Variants in LRRK1 observed in about 807,000 individuals in gnomAD.
The protein encoded by LRRK1 is leucine-rich repeat serine/threonine-protein kinase 1.
Under a neutral mutation model 209.1 loss-of-function variants are expected in LRRK1, and 113 were observed. The observed-to-expected ratio is 0.54, with a 90% confidence interval of 0.46 to 0.63. The LOEUF is 0.63. Ranked by LOEUF, LRRK1 falls within the 30% of genes least tolerant of loss-of-function variation. The pLI, the probability that LRRK1 is intolerant of heterozygous loss-of-function variation, is 0.00. For synonymous variants in LRRK1, 1,144 were observed against 1,099.7 expected (o/e 1.04, Z -0.80); for missense variants, 2,284 against 2,632.2 (o/e 0.87, Z 2.89).
In LRRK1 at chr15:101,029,276, C is replaced by T. The variant is rs60368730; in HGVS notation, c.2963+44C>T. The T allele has an allele frequency of 4.7e-4, 733 of 1,554,466 alleles. 2 individuals are homozygous for T. In the African/African-American group the frequency reaches 8.8e-3, roughly 19 times the overall value. On this transcript the variant is annotated intron_variant, in intron 20 of 33. Transcript: ENST00000388948. ...ACGCCAGGCTGTGCAGGTTGCTCCC[C>T]GAAAGAGGGAGTTGGGGTCTGGAGC... is the stretch of plus-strand genomic sequence containing the variant.
At chr15:101,066,325 T>G in intron 32 of LRRK1, 120 bp downstream of exon 32, 2 of 1,354,988 alleles carry the variant, frequency 1.5e-6, no homozygotes, top group Non-Finnish European at 1.0e-6. Context: ...GGTGCTGTTC[T>G]TCCAAGAGGG....
intron 3 of LRRK1, among the ~76,000 whole-genome samples, chr15:100,977,615 G>C (rs569235282): frequency 2.9e-4 from 44 of 152,250 alleles, no homozygotes; most frequent in African/African-American, 1.0e-3. Context: ...AAGTCCCAAC[G>C]CTGCCCAGCA....
At position 101,058,153 on chromosome 15, in the gene LRRK1, C is replaced by T. The variant is rs184996256; in HGVS notation, c.4679+12C>T. On this transcript the variant is annotated intron_variant, in intron 29 of 33. Coordinates refer to ENST00000388948, the MANE Select transcript of LRRK1 (RefSeq NM_024652.6). The stretch of plus-strand genomic sequence containing the variant: ...AAAGAGGAGTCCAGGTAAGCTCCTG[C>T]GGGCTGCCCTGCCCCCTTTGTATTT... 51 of 1,613,328 alleles carry T rather than the reference C, an allele frequency of 3.2e-5. No individual in the cohort carries two copies. In the East Asian group the frequency reaches 5.8e-4, roughly 18 times the overall value.
At chr15:100,981,444 A>G (rs996212006) in intron 3 of LRRK1, among the ~76,000 whole-genome samples, 8 of 152,136 alleles carry the variant, frequency 5.3e-5, no homozygotes, top group Admixed American at 5.2e-4. Context: ...TATTGAATGT[A>G]TGAGTCTACC....
chr15:101,029,349 GCC>G, intron 20 of LRRK1, 117 bp downstream of exon 20: 1 of 1,073,098 alleles, frequency 9.3e-7, no homozygotes, highest in Non-Finnish European at 1.3e-6. Flanking sequence ...TGCCACTGCT[GCC>G]CCCTACGGAC....
rs994873141 is a variant in LRRK1, at chr15:100,926,370, C to T, written c.97+1641C>T. Among the ~76,000 whole-genome samples the T allele has an allele frequency of 3.3e-5, 5 of 152,192 alleles. No homozygotes were observed. The East Asian group carries it at 9.7e-4, about 29-fold the overall frequency. On this transcript the variant is annotated intron_variant, in intron 2 of 33. Transcript: ENST00000388948. ...CCTCCTGCTGCTCCTCTTCGCAGCC[C>T]TGAGGGACGAGGGTGGGGACAGGGA...
intron 6 of LRRK1, among the ~76,000 whole-genome samples, chr15:100,995,906 A>T (rs1251366057): frequency 6.6e-6 from 1 of 152,258 alleles, no homozygotes; most frequent in Non-Finnish European, 1.5e-5. Context: ...GACATCTATT[A>T]TTACTGTTTG....
intron 31 of LRRK1, among the ~76,000 whole-genome samples, chr15:101,064,103 C>T (rs771759356): frequency 3.3e-5 from 5 of 152,276 alleles, no homozygotes; most frequent in South Asian, 2.1e-4. Flanking sequence ...CACACCCAGC[C>T]GGGACGTGGC....
At chr15:100,927,564 G>A (rs961393011) in intron 2 of LRRK1, among the ~76,000 whole-genome samples, 2 of 152,206 alleles carry the variant, frequency 1.3e-5, no homozygotes, top group Non-Finnish European at 2.9e-5. Flanking sequence ...GGACAGGGAA[G>A]TGACACCCTG....
chr15:100,962,817 ATATATATTTT>A (rs1490996214), intron 2 of LRRK1, among the ~76,000 whole-genome samples: 48 of 21,200 alleles, frequency 2.3e-3, no homozygotes, highest in African/African-American at 6.6e-3. Context: ...ATATATATAT[ATATATATTTT>A]TTTTTTTTTT....
chr15:101,007,158 A>G (rs1197754480), intron 6 of LRRK1, among the ~76,000 whole-genome samples: 1 of 152,220 alleles, frequency 6.6e-6, no homozygotes, highest in Admixed American at 6.5e-5. Context: ...TGGTGGCCAA[A>G]TAGGGATGCC....
intron 2 of LRRK1, among the ~76,000 whole-genome samples, chr15:100,930,540 C>T (rs780230250): frequency 6.6e-6 from 1 of 152,238 alleles, no homozygotes; most frequent in Non-Finnish European, 1.5e-5. Context: ...CCCCACCCCA[C>T]ACTTGCTCCT....
intron 2 of LRRK1, among the ~76,000 whole-genome samples, chr15:100,954,565 T>C (rs1854577501): frequency 6.6e-6 from 1 of 152,194 alleles, no homozygotes; most frequent in Non-Finnish European, 1.5e-5. Context: ...GGAAAGATCA[T>C]TGCCAAGAAT....
chr15:101,030,956 C>T (rs779102702), intron 20 of LRRK1, among the ~76,000 whole-genome samples: 3 of 152,154 alleles, frequency 2.0e-5, no homozygotes, highest in Non-Finnish European at 2.9e-5. Context: ...ATTCTTACGC[C>T]TTTGCATCCT....
chr15:100,965,314 C>A lies in LRRK1; in HGVS notation c.98-8490C>A, dbSNP rs72765044. Reference sequence around the variant, plus strand: ...TGGCTGACTGTGAAACACACAGTATCACTGAAGGTATTTCTTTAAAAATAG... The same window carrying A: ...TGGCTGACTGTGAAACACACAGTATAACTGAAGGTATTTCTTTAAAAATAG... On this transcript the variant is annotated intron_variant, in intron 2 of 33. Transcript: ENST00000388948. Among the ~76,000 whole-genome samples, 530 of 152,304 alleles carry A rather than the reference C, an allele frequency of 3.5e-3. 1 individual carries two copies. Among genetic ancestry groups the A allele is most frequent in the Non-Finnish European group, 6.4e-3 (432 of 68,026 alleles).
At chr15:100,951,581 A>G (rs186821003) in intron 2 of LRRK1, among the ~76,000 whole-genome samples, 4 of 152,340 alleles carry the variant, frequency 2.6e-5, no homozygotes, top group East Asian at 1.9e-4. Context: ...AATGTGGTCT[A>G]TTCATACAGT....
chr15:100,962,601 T>C (rs1428451719), intron 2 of LRRK1, among the ~76,000 whole-genome samples: 1 of 151,146 alleles, frequency 6.6e-6, no homozygotes, highest in Non-Finnish European at 1.5e-5. Context: ...ACTGTAATTT[T>C]TGTGTGTCCT....
intron 4 of LRRK1, among the ~76,000 whole-genome samples, chr15:100,984,174 C>A (rs754822418): frequency 6.6e-6 from 1 of 152,086 alleles, no homozygotes; most frequent in Non-Finnish European, 1.5e-5. Flanking sequence ...TGCTATATTT[C>A]AGAACCATGG....
chr15:101,025,565 C>T (rs544956260), intron 16 of LRRK1, among the ~76,000 whole-genome samples: 1 of 152,304 alleles, frequency 6.6e-6, no homozygotes, highest in African/African-American at 2.4e-5. Flanking sequence ...CCTCAGGAAG[C>T]TTTTAGTCAT....
Sources: allele counts gnomAD v4.1 joint callset (sites outside exome capture counted in the v4.1 genomes callset), GRCh38; gene constraint gnomAD v4.1.1; transcripts MANE v1.5; gene names NCBI Gene and HGNC (gene_info 2026-07-23, HGNC 2026-07-21).